The following SLC24A3 variants were observed in gnomAD, a reference collection of about 807,000 sequenced individuals.
SLC24A3 encodes sodium/potassium/calcium exchanger 3.
In SLC24A3, 28 loss-of-function variants were observed where a neutral mutation model predicts 75.8. That is an observed-to-expected ratio of 0.37 (90% CI 0.27 to 0.51). The LOEUF (loss-of-function observed/expected upper bound fraction) is 0.51. Ranked by LOEUF, SLC24A3 falls within the 20% of genes least tolerant of loss-of-function variation. SLC24A3 has a pLI of 0.94. For missense variants in SLC24A3, 663 were observed against 847.8 expected, an observed-to-expected ratio of 0.78 and a Z score of 2.71; for synonymous variants, 372 against 334.1, an observed-to-expected ratio of 1.11 and a Z score of -1.24.
At chr20:19,528,994 A>G (rs1406107271) in intron 3 of SLC24A3, among the ~76,000 whole-genome samples, 1 of 152,178 alleles carries the variant, frequency 6.6e-6, no homozygotes, top group Non-Finnish European at 1.5e-5. Context: ...CCTGGAGGAT[A>G]GTTGTATCCC....
At chr20:19,693,666 AGGC>A in intron 13 of SLC24A3, 1 of 449,936 alleles carries the variant, frequency 2.2e-6, no homozygotes, top group Non-Finnish European at 3.9e-6. Context: ...GCTCTGCTTC[AGGC>A]TTCAGGGTGG....
intron 8 of SLC24A3, among the ~76,000 whole-genome samples, chr20:19,672,132 G>A (rs181252645): frequency 6.6e-6 from 1 of 152,112 alleles, no homozygotes; most frequent in Non-Finnish European, 1.5e-5. Context: ...AGGAGATCGG[G>A]GGGTGTGGAA....
Position 19,585,422 on chromosome 20 carries a change from T to TGTGG in SLC24A3, c.509-17_509-14dup. 6.2e-7 allele frequency: 1 copy of TGTGG among 1,611,588 alleles called. No individual in the cohort carries two copies. The highest frequency in any genetic ancestry group is 8.5e-7 in the Non-Finnish European group (1 of 1,178,084). The stretch of plus-strand genomic sequence containing the variant: ...AACAGGGCCACAACAGCCAGGCTGA[T>TGTGG]GTGGGATCTGTGTTTCAGGGGTCTT... On this transcript the variant is annotated intron_variant, in intron 5 of 16. Transcript: ENST00000328041.
intron 8 of SLC24A3, among the ~76,000 whole-genome samples, chr20:19,671,647 G>T (rs1356972221): frequency 4.4e-4 from 46 of 103,808 alleles, no homozygotes; most frequent in African/African-American, 1.4e-3. Context: ...TTTTTTTTTT[G>T]TTTTTTTGTT....
chr20:19,268,389 C>T (rs1983228488), intron 1 of SLC24A3, among the ~76,000 whole-genome samples: 1 of 152,128 alleles, frequency 6.6e-6, no homozygotes, highest in East Asian at 1.9e-4. Context: ...GTAGCTCATC[C>T]TCCAGTAGCA....
intron 3 of SLC24A3, among the ~76,000 whole-genome samples, chr20:19,578,472 T>G (rs546909149): frequency 6.6e-6 from 1 of 152,006 alleles, no homozygotes; most frequent in Non-Finnish European, 1.5e-5. Context: ...GGGGTGTTTA[T>G]ATCCATAAAA....
chr20:19,242,571 A>G (rs1336798304), intron 1 of SLC24A3: 1 of 152,216 alleles, frequency 6.6e-6, no homozygotes, highest in Non-Finnish European at 1.5e-5. Context: ...GCAAGTTTGC[A>G]TCCCTAGTTA....
chr20:19,473,046 T>C (rs547850267), intron 2 of SLC24A3, among the ~76,000 whole-genome samples: 57 of 152,292 alleles, frequency 3.7e-4, no homozygotes, highest in South Asian at 2.3e-3. Flanking sequence ...GGATCAGACA[T>C]ACAGAGGCCG....
At chr20:19,554,930 C>T (rs752900725) in intron 3 of SLC24A3, among the ~76,000 whole-genome samples, 1 of 152,184 alleles carries the variant, frequency 6.6e-6, no homozygotes, top group Non-Finnish European at 1.5e-5. Context: ...CAACAGAGAA[C>T]AAGTCCTGAT....
intron 2 of SLC24A3, among the ~76,000 whole-genome samples, chr20:19,380,473 G>C (rs912868320): frequency 6.6e-6 from 1 of 152,154 alleles, no homozygotes; most frequent in African/African-American, 2.4e-5. Flanking sequence ...ATGCACATTT[G>C]GATTTACATT....
At chr20:19,373,258 C>A (rs1228759578) in intron 2 of SLC24A3, among the ~76,000 whole-genome samples, 1 of 152,128 alleles carries the variant, frequency 6.6e-6, no homozygotes, top group African/African-American at 2.4e-5. Context: ...CTTCAGCAGA[C>A]CCCAGGGGAA....
At chr20:19,483,992 G>C (rs913854968) in intron 2 of SLC24A3, among the ~76,000 whole-genome samples, 3 of 152,182 alleles carry the variant, frequency 2.0e-5, no homozygotes, top group African/African-American at 7.2e-5. Context: ...CCAAAAGAAT[G>C]TATATATCCA....
chr20:19,529,084 G>C (rs992169954), intron 3 of SLC24A3, among the ~76,000 whole-genome samples: 1 of 152,060 alleles, frequency 6.6e-6, no homozygotes, highest in African/African-American at 2.4e-5. Flanking sequence ...AAATACAATA[G>C]GCACTAATTT....
At chr20:19,377,558 G>T (rs1290564774) in intron 2 of SLC24A3, among the ~76,000 whole-genome samples, 1 of 152,146 alleles carries the variant, frequency 6.6e-6, no homozygotes, top group Non-Finnish European at 1.5e-5. Flanking sequence ...GGGTAATGGG[G>T]TAACTTTCTT....
intron 2 of SLC24A3, among the ~76,000 whole-genome samples, chr20:19,302,860 T>C (rs1190294096): frequency 1.3e-5 from 2 of 152,178 alleles, no homozygotes; most frequent in African/African-American, 4.8e-5. Context: ...TGTGGGTTGT[T>C]TTCAGTTCCC....
chr20:19,277,799 C>A (rs563180300), intron 1 of SLC24A3, among the ~76,000 whole-genome samples: 1 of 152,334 alleles, frequency 6.6e-6, no homozygotes, highest in South Asian at 2.1e-4. Context: ...CAGCTTTTCT[C>A]TCAGAATTAC....
At chr20:19,664,920 C>A (rs1017611021) in intron 7 of SLC24A3, among the ~76,000 whole-genome samples, 1 of 152,264 alleles carries the variant, frequency 6.6e-6, no homozygotes, top group South Asian at 2.1e-4. Context: ...GCTGAGTTCT[C>A]GAGCCAATTC....
intron 2 of SLC24A3, among the ~76,000 whole-genome samples, chr20:19,356,185 G>A (rs559010620): frequency 1.4e-4 from 22 of 152,302 alleles, no homozygotes; most frequent in Middle Eastern, 3.4e-3. Flanking sequence ...CATATAGGGA[G>A]TAACATAATG....
At chr20:19,352,189 C>T (rs1234447269) in intron 2 of SLC24A3, among the ~76,000 whole-genome samples, 1 of 152,096 alleles carries the variant, frequency 6.6e-6, no homozygotes, top group African/African-American at 2.4e-5. Flanking sequence ...TTTCTTGAGT[C>T]AAGGGCCTTA....
Sources: allele counts gnomAD v4.1 joint callset (sites outside exome capture counted in the v4.1 genomes callset), GRCh38; gene constraint gnomAD v4.1.1; transcripts MANE v1.5; gene names NCBI Gene and HGNC (gene_info 2026-07-23, HGNC 2026-07-21).